The following SGCD variants were observed in gnomAD, a reference collection of about 807,000 sequenced individuals.
SGCD encodes sarcoglycan delta.
In SGCD, 18 loss-of-function variants were observed where a neutral mutation model predicts 36.6. The observed-to-expected ratio is 0.49, with a 90% confidence interval of 0.34 to 0.73. The LOEUF (loss-of-function observed/expected upper bound fraction) is 0.73, where lower values mean the gene tolerates loss of function less well. SGCD is among the 30% of genes least tolerant of loss of function. SGCD has a pLI of 0.01. For synonymous variants in SGCD, 133 were observed against 130.6 expected (o/e 1.02, Z -0.12); for missense variants, 387 against 346.7 (o/e 1.12, Z -0.92).
chr5:156,702,038 A>G (rs1334740670), intron 7 of SGCD, among the ~76,000 whole-genome samples: 1 of 152,188 alleles, frequency 6.6e-6, no homozygotes, highest in Non-Finnish European at 1.5e-5. Flanking sequence ...AATCTCACAG[A>G]CTTAAATGAT....
chr5:156,402,553 G>A (rs1772211667), intron 3 of SGCD, among the ~76,000 whole-genome samples: 1 of 152,148 alleles, frequency 6.6e-6, no homozygotes, highest in Admixed American at 6.5e-5. Flanking sequence ...GGTGGGAAGA[G>A]GTATTACCAG....
chr5:156,269,345 C>G (rs1298078116), intron 3 of SGCD, among the ~76,000 whole-genome samples: 2 of 151,738 alleles, frequency 1.3e-5, no homozygotes, highest in Admixed American at 1.3e-4. Flanking sequence ...TGGCGGGTGC[C>G]TGTTGTCTCA....
At chr5:156,400,713 A>G (rs1772101546) in intron 3 of SGCD, among the ~76,000 whole-genome samples, 1 of 152,174 alleles carries the variant, frequency 6.6e-6, no homozygotes, top group East Asian at 1.9e-4. Flanking sequence ...TTAAACACAC[A>G]TTGCTTGGCC....
chr5:156,149,677 G>T (rs181433956), intron 3 of SGCD, among the ~76,000 whole-genome samples: 35 of 152,250 alleles, frequency 2.3e-4, no homozygotes, highest in African/African-American at 7.7e-4. Flanking sequence ...TAGTGAAGGG[G>T]CCAGGGGAGG....
intron 3 of SGCD, among the ~76,000 whole-genome samples, chr5:156,499,271 T>A (rs1756346408): frequency 2.6e-5 from 4 of 152,206 alleles, no homozygotes. Context: ...TAGCTTTTGT[T>A]ACTCATGTTT....
chr5:156,375,889 TTC>T (rs533054295), intron 3 of SGCD, among the ~76,000 whole-genome samples: 32 of 152,216 alleles, frequency 2.1e-4, no homozygotes, highest in Non-Finnish European at 3.1e-4. Flanking sequence ...CTTTAAAATT[TTC>T]TCTTTTATTT....
chr5:156,035,861 A>C (rs1417202080), intron 1 of SGCD, among the ~76,000 whole-genome samples: 1 of 152,222 alleles, frequency 6.6e-6, no homozygotes, highest in Non-Finnish European at 1.5e-5. Flanking sequence ...TTTGGTGAGC[A>C]AAGTATCAAA....
intron 3 of SGCD, among the ~76,000 whole-genome samples, chr5:156,356,697 C>G (rs763186984): frequency 2.4e-4 from 37 of 152,266 alleles, no homozygotes; most frequent in Admixed American, 5.9e-4. Context: ...TGCTCCTAAT[C>G]CTTGGAGCCT....
rs913351809 is a variant in SGCD at position 156,023,700 on chromosome 5, A to C, written c.-281-94178A>C. 1.2e-4 allele frequency among the ~76,000 whole-genome samples: 19 copies of C among 152,320 alleles called. No individual in the cohort carries two copies. In the South Asian group the frequency reaches 1.4e-3, roughly 12 times the overall value. On this transcript the variant is annotated intron_variant, in intron 1 of 9. Coordinates refer to the SGCD transcript ENST00000517913. The stretch of plus-strand genomic sequence containing the variant: ...GAAGTGTGAGAACGTTCAGAGAATT[A>C]TCTCAGTAATGCTAGCAAGGAGCTA...
intron 3 of SGCD, among the ~76,000 whole-genome samples, chr5:156,147,429 T>C (rs1762730478): frequency 6.6e-6 from 1 of 152,238 alleles, no homozygotes; most frequent in East Asian, 1.9e-4. Flanking sequence ...CCGGACTCTC[T>C]GACCATCTGG....
At chr5:156,687,854 A>G (rs1444306321) in intron 7 of SGCD, among the ~76,000 whole-genome samples, 1 of 152,196 alleles carries the variant, frequency 6.6e-6, no homozygotes, top group East Asian at 1.9e-4. Flanking sequence ...GATGGTAACC[A>G]TCGTTCGTTA....
At chr5:156,067,732 A>T (rs1760368758) in intron 1 of SGCD, among the ~76,000 whole-genome samples, 1 of 131,906 alleles carries the variant, frequency 7.6e-6, no homozygotes. Context: ...CCTTTCTTTG[A>T]CTCGGAAAGG....
chr5:156,403,254 G>A lies in SGCD; in HGVS notation c.192+58577G>A, dbSNP rs138935473. ...AGACAAGCCCAGGATCAGGTGGCCT[G>A]TAATGTGTTCCTTAGAATCACAATT... On this transcript the variant is annotated intron_variant, in intron 3 of 8. Transcript: ENST00000337851. Among the ~76,000 whole-genome samples, 829 of 152,250 alleles carry A rather than the reference G, an allele frequency of 5.4e-3. 4 individuals are homozygous for A. The highest frequency in any genetic ancestry group is 8.8e-3 in the Non-Finnish European group (599 of 68,030).
chr5:156,078,100 G>A (rs1581084385), intron 1 of SGCD, among the ~76,000 whole-genome samples: 1 of 152,174 alleles, frequency 6.6e-6, no homozygotes, highest in Non-Finnish European at 1.5e-5. Context: ...TCTAGGGAAG[G>A]TGGTAGAAGA....
chr5:156,007,351 C>T lies in SGCD; in HGVS notation c.-281-110527C>T, dbSNP rs564358424. Among the ~76,000 whole-genome samples, 31 of 152,260 alleles carry T rather than the reference C, an allele frequency of 2.0e-4. No individual in the cohort carries two copies. The South Asian group carries it at 5.0e-3, about 24-fold the overall frequency. On this transcript the variant is annotated intron_variant, in intron 1 of 9. Coordinates refer to the SGCD transcript ENST00000517913. ...AAGGTAAGATCTCTGTCTCCTTTCT[C>T]GGAAGGCAGTTTGAGTTTAATCTTC...
intron 6 of SGCD, among the ~76,000 whole-genome samples, chr5:156,614,409 G>A (rs1178767707): frequency 1.3e-5 from 2 of 152,078 alleles, no homozygotes; most frequent in Non-Finnish European, 2.9e-5. Flanking sequence ...GAAACTCCAC[G>A]GCACATTGTT....
In SGCD at chr5:156,036,464, T is replaced by A. The variant is rs188362143; in HGVS notation, c.-281-81414T>A. ...AAGAATGACAGTCAGATCTCAGTCC[T>A]CATTTTCCCCTTATCTAAGGTCTAT... is the stretch of plus-strand genomic sequence containing the variant. On this transcript the variant is annotated intron_variant, in intron 1 of 9. Coordinates refer to the SGCD transcript ENST00000517913. 5.9e-4 allele frequency among the ~76,000 whole-genome samples: 90 copies of A among 152,304 alleles called. 1 individual carries two copies. Among genetic ancestry groups the A allele is most frequent in the African/African-American group, 2.1e-3 (87 of 41,562 alleles).
At chr5:156,759,069 T>G (rs1385802418) in intron 8 of SGCD, 148 bp from the exon 9 acceptor site, 5 of 623,502 alleles carry the variant, frequency 8.0e-6, no homozygotes, top group Non-Finnish European at 1.1e-5. Flanking sequence ...CTTGTTGGTA[T>G]CCAAATCCCC....
At chr5:155,749,169 G>A in the SGCD span, among the ~76,000 whole-genome samples, 1 of 152,142 alleles carries the variant, frequency 6.6e-6, no homozygotes, top group African/African-American at 2.4e-5. Flanking sequence ...GTTAGTCCTT[G>A]TTACTCCTTA....
Sources: allele counts gnomAD v4.1 joint callset (sites outside exome capture counted in the v4.1 genomes callset), GRCh38; gene constraint gnomAD v4.1.1; transcripts MANE v1.5; gene names NCBI Gene and HGNC (gene_info 2026-07-23, HGNC 2026-07-21).